The following EYS variants were observed in gnomAD, a reference collection of about 807,000 sequenced individuals.
EYS encodes the protein protein eyes shut homolog.
In EYS, 250 loss-of-function variants were observed where a neutral mutation model predicts 282.1. That is an observed-to-expected ratio of 0.89 (90% CI 0.80 to 0.98). EYS has a LOEUF of 0.98. EYS is among the 50% of genes least tolerant of loss of function. EYS has a pLI of 0.00. For synonymous variants in EYS, 1,355 were observed against 1,282.9 expected, an observed-to-expected ratio of 1.06 and a Z score of -1.20; for missense variants, 4,016 against 3,709.0, an observed-to-expected ratio of 1.08 and a Z score of -2.15.
intron 11 of EYS, among the ~76,000 whole-genome samples, chr6:65,300,533 C>T (rs1456172495): frequency 1.3e-5 from 2 of 152,038 alleles, no homozygotes; most frequent in African/African-American, 4.8e-5. Flanking sequence ...ATTTTCTCCC[C>T]ACCTTCCAAC....
intron 22 of EYS, among the ~76,000 whole-genome samples, chr6:64,677,930 A>T (rs1206708643): frequency 1.3e-5 from 2 of 152,138 alleles, no homozygotes; most frequent in Non-Finnish European, 2.9e-5. Context: ...AAGTAAAAAA[A>T]AAAATGACTA....
At chr6:65,603,327 TCA>T (rs1184528340) in intron 2 of EYS, among the ~76,000 whole-genome samples, 6 of 151,874 alleles carry the variant, frequency 4.0e-5, no homozygotes, top group Non-Finnish European at 2.9e-5. Context: ...CAAAAAAGAT[TCA>T]CAGAGTAATG....
chr6:64,461,541 C>CA (rs1402446718), intron 26 of EYS, among the ~76,000 whole-genome samples: 3 of 152,090 alleles, frequency 2.0e-5, no homozygotes, highest in African/African-American at 7.2e-5. Flanking sequence ...GATTGAGGAA[C>CA]AAGTACATTA....
intron 13 of EYS, among the ~76,000 whole-genome samples, chr6:65,017,855 C>G (rs759461811): frequency 6.6e-6 from 1 of 152,054 alleles, no homozygotes; most frequent in Non-Finnish European, 1.5e-5. Context: ...TCGTAATACT[C>G]CCCTTTGTAA....
intron 30 of EYS, among the ~76,000 whole-genome samples, chr6:64,286,454 C>T (rs1001487499): frequency 6.6e-6 from 1 of 152,158 alleles, no homozygotes; most frequent in Non-Finnish European, 1.5e-5. Flanking sequence ...ATATACTATA[C>T]ATCAGAAAGG....
At chr6:65,417,984 T>G (rs1316243941) in intron 5 of EYS, among the ~76,000 whole-genome samples, 1 of 151,952 alleles carries the variant, frequency 6.6e-6, no homozygotes, top group Admixed American at 6.6e-5. Flanking sequence ...TCACATCTCT[T>G]AATTTGAAGA....
intron 36 of EYS, among the ~76,000 whole-genome samples, chr6:63,862,660 T>C (rs970896457): frequency 6.6e-6 from 1 of 152,216 alleles, no homozygotes; most frequent in Non-Finnish European, 1.5e-5. Flanking sequence ...CTCTTAGTAA[T>C]CAAATTTATT....
intron 31 of EYS, among the ~76,000 whole-genome samples, chr6:64,151,414 G>A (rs1034367694): frequency 1.4e-5 from 2 of 143,740 alleles, no homozygotes; most frequent in Admixed American, 7.1e-5. Context: ...AGGCTGGAGT[G>A]CAATGGTGCC....
At chr6:65,417,824 T>C (rs1767299848) in intron 5 of EYS, among the ~76,000 whole-genome samples, 1 of 151,968 alleles carries the variant, frequency 6.6e-6, no homozygotes, top group South Asian at 2.1e-4. Flanking sequence ...TCTACATTAT[T>C]CGTCAGAAAC....
intron 22 of EYS, among the ~76,000 whole-genome samples, chr6:64,766,061 T>C (rs1773322943): frequency 6.6e-6 from 1 of 151,762 alleles, no homozygotes; most frequent in African/African-American, 2.4e-5. Flanking sequence ...AAAATAATAT[T>C]TGTAAAAAAA....
chr6:64,516,795 T>C (rs938628801), intron 26 of EYS, among the ~76,000 whole-genome samples: 1 of 151,826 alleles, frequency 6.6e-6, no homozygotes. Context: ...TTTAATTTCA[T>C]TAATTTTATA....
chr6:64,545,622 C>T (rs987439229), intron 26 of EYS, among the ~76,000 whole-genome samples: 1 of 152,096 alleles, frequency 6.6e-6, no homozygotes, highest in African/African-American at 2.4e-5. Context: ...CTAGAAAACC[C>T]CATCGTCTCA....
chr6:64,796,636 C>G (rs966825810), intron 22 of EYS, among the ~76,000 whole-genome samples: 4 of 152,174 alleles, frequency 2.6e-5, no homozygotes, highest in African/African-American at 9.6e-5. Context: ...CCGATACACA[C>G]AGACGCTATA....
chr6:63,928,275 A>G (rs1764778979), intron 35 of EYS, among the ~76,000 whole-genome samples: 1 of 152,212 alleles, frequency 6.6e-6, no homozygotes. Flanking sequence ...GACTGGCTCT[A>G]GGCTCAGCTT....
chr6:65,334,489 C>T (rs562884802), intron 11 of EYS, among the ~76,000 whole-genome samples: 2 of 151,894 alleles, frequency 1.3e-5, no homozygotes, highest in South Asian at 4.1e-4. Flanking sequence ...AGGCTGGTCT[C>T]AAACTCTTGG....
chr6:64,127,775 G>T lies in EYS; in HGVS notation c.6425-45773C>A, dbSNP rs567062333. On this transcript the variant is annotated intron_variant, in intron 31 of 42. Transcript: ENST00000503581. ...CAAAGAAAGATATCTCAGGTTATCA[G>T]ATTCATAGAGTTTTGAAACTGTTTC... is the stretch of plus-strand genomic sequence containing the variant. Among the ~76,000 whole-genome samples, 14 of 152,220 alleles carry T rather than the reference G, an allele frequency of 9.2e-5. No homozygotes were observed. In the East Asian group the frequency reaches 2.7e-3, roughly 29 times the overall value.
intron 31 of EYS, among the ~76,000 whole-genome samples, chr6:64,197,486 T>C (rs1206746563): frequency 1.3e-5 from 2 of 152,226 alleles, no homozygotes; most frequent in Non-Finnish European, 1.5e-5. Context: ...TTTTGTGCTC[T>C]GTTTATCTCT....
At chr6:65,195,602 T>C (rs1582004863) in intron 12 of EYS, among the ~76,000 whole-genome samples, 1 of 151,984 alleles carries the variant, frequency 6.6e-6, no homozygotes, top group East Asian at 1.9e-4. Flanking sequence ...CATCAGAACA[T>C]TATTCTTACT....
chr6:64,795,930 GGAGA>G (rs1221826533), intron 22 of EYS, among the ~76,000 whole-genome samples: 1 of 152,176 alleles, frequency 6.6e-6, no homozygotes, highest in African/African-American at 2.4e-5. Context: ...CTACAGAAAT[GGAGA>G]GAGATGCTTT....
Sources: gnomAD v4.1 joint callset for allele counts (sites outside exome capture counted in the v4.1 genomes callset) on GRCh38, gnomAD v4.1.1 for gene constraint, MANE v1.5 for transcripts, NCBI Gene and HGNC (gene_info 2026-07-23, HGNC 2026-07-21) for gene names.